Variants in NYAP2 observed in about 807,000 individuals in gnomAD.
The protein encoded by NYAP2 is neuronal tyrosine-phosphorylated phosphoinositide-3-kinase adapter 2.
Under a neutral mutation model 50.4 loss-of-function variants are expected in NYAP2, and 23 were observed. That is an observed-to-expected ratio of 0.46 (90% CI 0.33 to 0.65). The LOEUF (loss-of-function observed/expected upper bound fraction) is 0.65. Ranked by LOEUF, NYAP2 falls within the 30% of genes least tolerant of loss-of-function variation. The pLI, the probability that NYAP2 is intolerant of heterozygous loss-of-function variation, is 0.02. For missense variants in NYAP2, 885 were observed against 861.0 expected (o/e 1.03, Z -0.35); for synonymous variants, 394 against 365.2 (o/e 1.08, Z -0.90).
intron 5 of NYAP2, among the ~76,000 whole-genome samples, chr2:225,605,573 A>G (rs1692771123): frequency 1.3e-5 from 2 of 152,080 alleles, no homozygotes; most frequent in South Asian, 4.1e-4. Flanking sequence ...TCATCCACCT[A>G]CTCACTGGTT....
chr2:225,662,742 A>G, the NYAP2 span, among the ~76,000 whole-genome samples: 7 of 152,234 alleles, frequency 4.6e-5, no homozygotes, highest in African/African-American at 1.4e-4. Flanking sequence ...ACCCAACCCA[A>G]TCAACTTTGC....
At chr2:225,642,071 C>T (rs574065929) in intron 6 of NYAP2, among the ~76,000 whole-genome samples, 2 of 152,076 alleles carry the variant, frequency 1.3e-5, no homozygotes, top group East Asian at 1.9e-4. Context: ...GACATGGTTC[C>T]TGCTTTCAAA....
At chr2:225,656,039 C>A (rs1310292384), downstream of NYAP2, among the ~76,000 whole-genome samples, 2 of 152,038 alleles carry the variant, frequency 1.3e-5, no homozygotes, top group Admixed American at 1.3e-4. Flanking sequence ...CTAAGAGTGA[C>A]CCAAGTGTTG....
chr2:225,687,250 A>T, the NYAP2 span, among the ~76,000 whole-genome samples: 1 of 152,072 alleles, frequency 6.6e-6, no homozygotes, highest in East Asian at 1.9e-4. Flanking sequence ...GCTTTAAGGG[A>T]ATTGAGATAT....
At chr2:225,509,597 T>A (rs1690773408) in intron 3 of NYAP2, among the ~76,000 whole-genome samples, 1 of 152,192 alleles carries the variant, frequency 6.6e-6, no homozygotes, top group Non-Finnish European at 1.5e-5. Flanking sequence ...CGTTACCCAC[T>A]ACACAAGGGG....
intron 3 of NYAP2, among the ~76,000 whole-genome samples, chr2:225,471,259 T>C (rs1013538735): frequency 6.6e-6 from 1 of 152,242 alleles, no homozygotes; most frequent in Admixed American, 6.5e-5. Context: ...CATGTCCTCA[T>C]GTGTGTCTAT....
exon 7 of NYAP2, chr2:225,653,585 G>A (rs1203711530): frequency 1.3e-5 from 2 of 152,218 alleles, no homozygotes; most frequent in Non-Finnish European, 2.9e-5. Context: ...AAATTAGAAG[G>A]CTGGCCTCTA....
chr2:225,575,142 T>A (rs1237415600), intron 4 of NYAP2, among the ~76,000 whole-genome samples: 1 of 152,156 alleles, frequency 6.6e-6, no homozygotes, highest in Non-Finnish European at 1.5e-5. Context: ...TTTCGTATAT[T>A]CTGCATTACG....
intron 4 of NYAP2, among the ~76,000 whole-genome samples, chr2:225,580,600 G>A (rs952670286): frequency 6.6e-6 from 1 of 152,118 alleles, no homozygotes; most frequent in Non-Finnish European, 1.5e-5. Context: ...TTTGAAACAG[G>A]GGTGATCTAG....
the NYAP2 span, among the ~76,000 whole-genome samples, chr2:225,688,249 C>A: frequency 6.3e-4 from 96 of 152,084 alleles, no homozygotes; most frequent in East Asian, 0.014. Flanking sequence ...GTTTATAAAG[C>A]CCAGGCAATA....
At chr2:225,553,111 G>A (rs1413838613) in intron 4 of NYAP2, among the ~76,000 whole-genome samples, 1 of 152,224 alleles carries the variant, frequency 6.6e-6, no homozygotes, top group Non-Finnish European at 1.5e-5. Context: ...TGCAGGAAGG[G>A]CCCTAACAGC....
chr2:225,611,003 G>A (rs1469683565), intron 5 of NYAP2, among the ~76,000 whole-genome samples: 1 of 152,144 alleles, frequency 6.6e-6, no homozygotes, highest in Non-Finnish European at 1.5e-5. Flanking sequence ...TTTGCCTTTA[G>A]CTTATATCAA....
chr2:225,623,401 A>T (rs1034538236), intron 5 of NYAP2, among the ~76,000 whole-genome samples: 6 of 152,256 alleles, frequency 3.9e-5, no homozygotes, highest in African/African-American at 1.4e-4. Context: ...GGCCAATCAT[A>T]GCAGCCAACT....
chr2:225,634,510 A>C (rs1303107555), intron 6 of NYAP2, among the ~76,000 whole-genome samples: 1 of 152,154 alleles, frequency 6.6e-6, no homozygotes, highest in African/African-American at 2.4e-5. Flanking sequence ...TGTACACACA[A>C]GTTCAGAAAA....
At chr2:225,641,796 G>C (rs1161855791) in intron 6 of NYAP2, among the ~76,000 whole-genome samples, 1 of 151,912 alleles carries the variant, frequency 6.6e-6, no homozygotes, top group Non-Finnish European at 1.5e-5. Flanking sequence ...TCTGGCCTGG[G>C]CTACAGAGTG....
intron 4 of NYAP2, among the ~76,000 whole-genome samples, chr2:225,571,568 G>A (rs1226617500): frequency 6.6e-6 from 1 of 152,168 alleles, no homozygotes; most frequent in Non-Finnish European, 1.5e-5. Flanking sequence ...TTGTACCTTG[G>A]CCCCTTTTAG....
At chr2:225,467,198 G>C (rs895387382) in intron 3 of NYAP2, among the ~76,000 whole-genome samples, 1 of 152,064 alleles carries the variant, frequency 6.6e-6, no homozygotes, top group Non-Finnish European at 1.5e-5. Context: ...CTTACCAGCC[G>C]AATGTCCTTA....
intron 4 of NYAP2, among the ~76,000 whole-genome samples, chr2:225,540,558 C>G (rs1691444165): frequency 6.6e-6 from 1 of 152,212 alleles, no homozygotes; most frequent in Non-Finnish European, 1.5e-5. Flanking sequence ...TCAATTACTT[C>G]CCACTTGGTC....
chr2:225,544,028 T>C (rs1691523018), intron 4 of NYAP2, among the ~76,000 whole-genome samples: 1 of 152,108 alleles, frequency 6.6e-6, no homozygotes, highest in Non-Finnish European at 1.5e-5. Flanking sequence ...TTGTCTCTTC[T>C]TATAGTTTTT....
Sources: gnomAD v4.1 joint callset for allele counts (sites outside exome capture counted in the v4.1 genomes callset) on GRCh38, gnomAD v4.1.1 for gene constraint, MANE v1.5 for transcripts, NCBI Gene and HGNC (gene_info 2026-07-23, HGNC 2026-07-21) for gene names.